MACF1: variants seen among roughly 807,000 people sequenced by gnomAD.
The protein encoded by MACF1 is microtubule-actin cross-linking factor 1.
In MACF1, 193 loss-of-function variants were observed where a neutral mutation model predicts 854.8. That is an observed-to-expected ratio of 0.23 (90% CI 0.20 to 0.25). MACF1 has a LOEUF of 0.25. Among genes scored for constraint, MACF1 ranks in the 10% least tolerant of loss-of-function variants. The pLI, the probability that MACF1 is intolerant of heterozygous loss-of-function variation, is 1.00. For missense variants in MACF1, 7,722 were observed against 8,929.1 expected (o/e 0.86, Z 5.45); for synonymous variants, 3,185 against 3,226.7 (o/e 0.99, Z 0.44).
rs767073078 is a variant in MACF1 at position 39,334,325 on chromosome 1, C to A, written c.7737C>A (p.Ala2579=). Residue 2579 remains alanine, a synonymous_variant, in exon 37 of 101, where the codon GCC becomes GCA. Coordinates refer to ENST00000564288, the MANE Select transcript of MACF1 (RefSeq NM_001394062.1). ...AAAGAGAAATCCAGGAGGTTCAGGC[C>A]TTTACTGGAAACTTTGTGGATCTCA... ...DLKREIQEVQ[A]FTGNFVDLIS... 1.3e-5 allele frequency: 21 copies of A among 1,613,932 alleles called. No homozygotes were observed. In the East Asian group the frequency reaches 4.7e-4, roughly 36 times the overall value.
intron 31 of MACF1, among the ~76,000 whole-genome samples, chr1:39,320,909 A>T (rs540996110): frequency 4.5e-4 from 68 of 152,328 alleles, no homozygotes; most frequent in African/African-American, 1.4e-3. Context: ...CATTGAGGCT[A>T]TTGAGCCGTG....
intron 58 of MACF1, among the ~76,000 whole-genome samples, chr1:39,402,410 G>A (rs1420233539): frequency 6.6e-6 from 1 of 152,116 alleles, no homozygotes; most frequent in Non-Finnish European, 1.5e-5. Flanking sequence ...CTCATAGCAC[G>A]GTGTGCTTTC....
chr1:39,297,644 G>A lies in MACF1; in HGVS notation c.2380G>A (p.Glu794Lys). ...FQFFSDAREL[E>K]SFLRNLQDSI... ...GTTCTTCAGTGATGCACGAGAGCTG[G>A]AGTCATTCTTGAGGAACCTCCAAGA... The change falls in exon 21 of 101, where the codon GAG becomes AAG. Residue 794 changes from glutamate (E) to lysine (K), a missense_variant. Physicochemically the swap from Glu to Lys is moderately conservative, Grantham distance 56 (BLOSUM62 1). Coordinates refer to ENST00000564288, the MANE Select transcript of MACF1 (RefSeq NM_001394062.1). The A allele has an allele frequency of 6.2e-7, 1 of 1,614,168 alleles. No individual in the cohort carries two copies. The highest frequency in any genetic ancestry group is 2.2e-5 in the East Asian group (1 of 44,884).
In MACF1 at chr1:39,294,998, C is replaced by A. The variant is rs371071063; in HGVS notation, c.2155-48C>A. 6 of 1,345,572 alleles carry A rather than the reference C, an allele frequency of 4.5e-6. No individual in the cohort carries two copies. In the Admixed American group the frequency reaches 5.1e-5, roughly 11 times the overall value. 83.4% of individuals were successfully genotyped at this position (1,345,572 alleles called of 1,614,324 possible). ...ACAGCTTTTATTTATGCTATCCGCT[C>A]CCCACTGCCAAGAGTGCTTATGCTG... is the stretch of plus-strand genomic sequence containing the variant. On this transcript the variant is annotated intron_variant, in intron 18 of 100. Transcript: ENST00000564288.
At chr1:39,370,882 T>G (rs1334380636) in intron 51 of MACF1, among the ~76,000 whole-genome samples, 2 of 152,202 alleles carry the variant, frequency 1.3e-5, no homozygotes, top group Non-Finnish European at 2.9e-5. Flanking sequence ...AAACTCCTAA[T>G]ACTTCTACTT....
At chr1:39,430,301 A>G (rs1643857006) in intron 65 of MACF1, among the ~76,000 whole-genome samples, 1 of 152,140 alleles carries the variant, frequency 6.6e-6, no homozygotes, top group Non-Finnish European at 1.5e-5. Flanking sequence ...TTTATTCTCT[A>G]AAGAGTGCTT....
chr1:39,400,324 T>C (rs1054033244), intron 58 of MACF1, among the ~76,000 whole-genome samples: 2 of 152,170 alleles, frequency 1.3e-5, no homozygotes, highest in African/African-American at 4.8e-5. Flanking sequence ...AAAATACAAA[T>C]ATTGGTAAAT....
Position 39,239,382 on chromosome 1 carries a change from A to T in MACF1, c.171+8139A>T, listed in dbSNP as rs565010127. On this transcript the variant is annotated intron_variant, in intron 2 of 100. Transcript: ENST00000564288. Reference sequence around the variant, plus strand: ...ATCTTGGAATCTCTTGGATTCCCTGATAACCTTTTGGGAAACAGCTTACTT... The same window carrying T: ...ATCTTGGAATCTCTTGGATTCCCTGTTAACCTTTTGGGAAACAGCTTACTT... 6.6e-5 allele frequency among the ~76,000 whole-genome samples: 10 copies of T among 152,368 alleles called. 1 individual carries two copies. In the South Asian group the frequency reaches 1.2e-3, roughly 19 times the overall value.
At chr1:39,414,601 T>G in intron 58 of MACF1, 1 of 1,417,950 alleles carries the variant, frequency 7.1e-7, no homozygotes, top group Non-Finnish European at 9.6e-7. Context: ...CCCGGGCTTA[T>G]AGTTTGTAGT....
chr1:39,434,407 C>CAA lies in MACF1; in HGVS notation c.17566-6_17566-5insAA. The CAA allele has an allele frequency of 1.9e-6, 2 of 1,072,844 alleles. No individual in the cohort carries two copies. The highest frequency in any genetic ancestry group is 2.6e-6 in the Non-Finnish European group (2 of 784,016). The allele number at this position is 1,072,844 out of a possible 1,614,324, so 66.5% of individuals were successfully genotyped here. On this transcript the variant is annotated splice_region_variant and splice_polypyrimidine_tract_variant and intron_variant, in intron 68 of 100. Coordinates refer to ENST00000564288, the MANE Select transcript of MACF1 (RefSeq NM_001394062.1). ...TATCCTTTTTTTTTTTTTTTTTGCT[C>CAA]ACATAGGAAAAGACAGAGTCTCTAA...
At chr1:39,351,155 G>T in intron 43 of MACF1, 137 bp downstream of exon 43, 1 of 642,568 alleles carries the variant, frequency 1.6e-6, no homozygotes, top group South Asian at 2.0e-5. Flanking sequence ...GAGCTAGTCT[G>T]GTTTTTGTTT....
chr1:39,460,934 G>A lies in MACF1; in HGVS notation c.21523+140G>A. The stretch of plus-strand genomic sequence containing the variant: ...ACCTGTAATTCCAGCACTTTGGGAG[G>A]CAGGTGGCAAAGGCATGGTGGCACA... On this transcript the variant is annotated intron_variant, in intron 92 of 100. Transcript: ENST00000564288. The surrounding 1 kb of genome is among the most constrained non-coding windows in gnomAD (Gnocchi z 4.1). 1 of 954,812 alleles carries A rather than the reference G, an allele frequency of 1.0e-6. No homozygotes were observed. The allele number at this position is 954,812 out of a possible 1,614,324, so 59.1% of individuals were successfully genotyped here. A position where few individuals can be genotyped will look rare whatever the true frequency, so the allele number is the denominator to read the frequency against.
chr1:39,297,062 T>C (rs1051351285), intron 20 of MACF1, among the ~76,000 whole-genome samples: 1 of 152,036 alleles, frequency 6.6e-6, no homozygotes, highest in African/African-American at 2.4e-5. Flanking sequence ...TAGCTGGGAC[T>C]ACAGGCGCCC....
Position 39,447,537 on chromosome 1 carries a change from C to T in MACF1, c.19711C>T (p.Pro6571Ser). The part of the protein sequence containing the change: ...LAEQSLNIAS[P>S]PSLILNTVLS... Reference sequence around the variant, plus strand: ...AGAGCAGAGTTTAAACATCGCTTCTCCACCAAGCCTGATTCTAAATACTGT... The same window carrying T: ...AGAGCAGAGTTTAAACATCGCTTCTTCACCAAGCCTGATTCTAAATACTGT... Residue 6571 changes from proline to serine, a missense_variant, in exon 81 of 101, where the codon CCA becomes TCA. By Grantham distance (74) the Pro-to-Ser change is moderately conservative. This residue lies in a region of MACF1 where 729 missense variants were observed against 900.5 expected (regional missense o/e 0.81). Coordinates refer to ENST00000564288, the MANE Select transcript of MACF1 (RefSeq NM_001394062.1). 6.2e-7 allele frequency: 1 copy of T among 1,614,122 alleles called. No individual in the cohort carries two copies. The highest frequency in any genetic ancestry group is 1.7e-5 in the Admixed American group (1 of 60,018).
intron 58 of MACF1, among the ~76,000 whole-genome samples, chr1:39,398,930 C>G (rs777286512): frequency 3.1e-4 from 47 of 152,208 alleles, no homozygotes; most frequent in Non-Finnish European, 3.8e-4. Flanking sequence ...GTGATTTTAT[C>G]AGACTATGTT....
At chr1:39,427,915 C>T (rs1227919886) in intron 62 of MACF1, 46 bp from the exon 63 acceptor site, 2 of 1,396,468 alleles carry the variant, frequency 1.4e-6, no homozygotes, top group Non-Finnish European at 2.0e-6. Context: ...GTTTACTTTT[C>T]ATTTATTTTG....
rs763664697 is a variant in MACF1, at chr1:39,361,477, G to A, written c.12571G>A (p.Ala4191Thr). 6.2e-7 allele frequency: 1 copy of A among 1,614,198 alleles called. No individual in the cohort carries two copies. Among genetic ancestry groups the A allele is most frequent in the Admixed American group, 1.7e-5 (1 of 60,026 alleles). The part of the protein sequence containing the change: ...TTAAVLQGKL[A>T]EVSQRFEQLC... ...AGCAGCAGTGCTGCAGGGCAAACTGGCAGAGGTGAGCCAGCGGTTCGAACA... is the reference window on the plus strand; with the variant it reads ...AGCAGCAGTGCTGCAGGGCAAACTGACAGAGGTGAGCCAGCGGTTCGAACA... Residue 4191 changes from alanine (A) to threonine (T), a missense_variant, in exon 49 of 101, where the codon GCA (alanine) becomes ACA (threonine). By Grantham distance (58) the Ala-to-Thr change is moderately conservative. Around this residue, in one of 15 missense-constraint regions of MACF1, gnomAD observed 2,807 missense variants for 3,235.8 expected, o/e 0.87. Transcript: ENST00000564288.
At chr1:39,303,466 G>T (rs1163987096) in intron 23 of MACF1, among the ~76,000 whole-genome samples, 1 of 151,494 alleles carries the variant, frequency 6.6e-6, no homozygotes, top group Non-Finnish European at 1.5e-5. Flanking sequence ...CATGAGAATT[G>T]CTTGACCAAG....
chr1:39,428,432 C>A, intron 63 of MACF1, 145 bp downstream of exon 63: 1 of 757,882 alleles, frequency 1.3e-6, no homozygotes, highest in Non-Finnish European at 2.1e-6. Flanking sequence ...GGACTTGATG[C>A]TGACTGCTAA....
Sources: gnomAD v4.1 joint callset for allele counts (sites outside exome capture counted in the v4.1 genomes callset) on GRCh38, gnomAD v4.1.1 for gene constraint, gnomAD v4.1.1 regional missense constraint, Gnocchi (gnomAD v3.1) non-coding constraint, MANE v1.5 for transcripts, NCBI Gene and HGNC (gene_info 2026-07-23, HGNC 2026-07-21) for gene names.